Variants in MTUS2 observed in about 807,000 individuals in gnomAD.
MTUS2 encodes the protein microtubule-associated tumor suppressor candidate 2.
A neutral mutation model predicts 114.1 loss-of-function variants in MTUS2; 40 were observed. That is an observed-to-expected ratio of 0.35 (90% CI 0.27 to 0.46). The LOEUF (loss-of-function observed/expected upper bound fraction) is 0.46, where lower values mean the gene tolerates loss of function less well. MTUS2 is among the 20% of genes least tolerant of loss of function. MTUS2 has a pLI of 1.00. For synonymous variants in MTUS2, 688 were observed against 672.0 expected (o/e 1.02, Z -0.37); for missense variants, 1,679 against 1,705.4 (o/e 0.98, Z 0.27).
chr13:29,490,898 TG>T (rs1882014841), intron 11 of MTUS2, among the ~76,000 whole-genome samples: 2 of 152,332 alleles, frequency 1.3e-5, no homozygotes, highest in South Asian at 4.1e-4. Flanking sequence ...TATTTTGCCA[TG>T]AGAACAGTTT....
At chr13:29,148,222 A>T in intron 5 of MTUS2, among the ~76,000 whole-genome samples, 2 of 149,148 alleles carry the variant, frequency 1.3e-5, no homozygotes, top group Non-Finnish European at 1.5e-5. Context: ...TTCATTTCCA[A>T]CTTTTATTTT....
At chr13:29,028,314 G>A (rs1417422174) in intron 3 of MTUS2, among the ~76,000 whole-genome samples, 1 of 151,984 alleles carries the variant, frequency 6.6e-6, no homozygotes, top group African/African-American at 2.4e-5. Flanking sequence ...CCACGCCACT[G>A]CACTTCAGCC....
At chr13:28,990,837 T>G (rs564038038) in intron 2 of MTUS2, among the ~76,000 whole-genome samples, 29 of 152,276 alleles carry the variant, frequency 1.9e-4, no homozygotes, top group African/African-American at 6.7e-4. Context: ...AGCACTACTT[T>G]TATAAGCTGT....
At chr13:29,091,769 T>C (rs1889962983) in intron 4 of MTUS2, among the ~76,000 whole-genome samples, 1 of 152,214 alleles carries the variant, frequency 6.6e-6, no homozygotes, top group African/African-American at 2.4e-5. Context: ...TATTCCAAAA[T>C]CAATTAATCA....
chr13:28,980,180 G>A (rs1327751360), intron 2 of MTUS2, among the ~76,000 whole-genome samples: 6 of 152,134 alleles, frequency 3.9e-5, no homozygotes, highest in Admixed American at 2.0e-4. Context: ...TGTGAATATC[G>A]AAAATAAATT....
At position 29,480,023 on chromosome 13, in the gene MTUS2, C is replaced by T; in HGVS notation, c.3185-127C>T. 1 of 859,008 alleles carries T rather than the reference C, an allele frequency of 1.2e-6. No individual in the cohort carries two copies. Among genetic ancestry groups the T allele is most frequent in the South Asian group, 1.7e-5 (1 of 57,584 alleles). The allele number at this position is 859,008 out of a possible 1,614,324, so 53.2% of individuals were successfully genotyped here. A position where few individuals can be genotyped will look rare whatever the true frequency, so the allele number is the denominator to read the frequency against. ...GAAAGCACTTTACAAACTGTGTAGC[C>T]CTGCAGAAGTCAGAGGACCTCGCCC... On this transcript the variant is annotated intron_variant, in intron 9 of 15. Coordinates refer to ENST00000612955, the MANE Select transcript of MTUS2 (RefSeq NM_001033602.4). This position sits in a 1 kb window ranked among gnomAD's most constrained non-coding sequence, Gnocchi z 4.4.
At chr13:29,005,143 C>T (rs528564337) in intron 2 of MTUS2, among the ~76,000 whole-genome samples, 1 of 152,292 alleles carries the variant, frequency 6.6e-6, no homozygotes, top group South Asian at 2.1e-4. Context: ...CCACTTCTGC[C>T]ATCAGGTCAA....
At chr13:29,039,873 C>T (rs900938317) in intron 4 of MTUS2, among the ~76,000 whole-genome samples, 14 of 152,152 alleles carry the variant, frequency 9.2e-5, no homozygotes, top group Admixed American at 1.3e-4. Flanking sequence ...GTTGATTTTA[C>T]GTGGATTTCC....
chr13:28,886,477 G>A (rs1878599451), intron 2 of MTUS2, among the ~76,000 whole-genome samples: 1 of 152,082 alleles, frequency 6.6e-6, no homozygotes. Flanking sequence ...TTAGCTATGA[G>A]GTATGAGAGG....
chr13:29,131,628 G>A (rs1470735470), intron 5 of MTUS2, among the ~76,000 whole-genome samples: 1 of 152,248 alleles, frequency 6.6e-6, no homozygotes, highest in East Asian at 1.9e-4. Context: ...GCTGGTCCAA[G>A]CCTGCTGGGA....
At chr13:29,074,211 A>T (rs1160271568) in intron 4 of MTUS2, among the ~76,000 whole-genome samples, 1 of 152,194 alleles carries the variant, frequency 6.6e-6, no homozygotes, top group East Asian at 1.9e-4. Context: ...TGACCTCTGC[A>T]GTTTCTGCTC....
At chr13:29,308,946 C>T (rs1472254807) in intron 6 of MTUS2, among the ~76,000 whole-genome samples, 1 of 128,896 alleles carries the variant, frequency 7.8e-6, no homozygotes, top group Non-Finnish European at 1.6e-5. Flanking sequence ...CTTTTGCATA[C>T]ACAGGTAAAC....
chr13:28,867,992 A>G (rs1217747806), intron 2 of MTUS2, among the ~76,000 whole-genome samples: 3 of 152,220 alleles, frequency 2.0e-5, no homozygotes, highest in African/African-American at 4.8e-5. Context: ...ATCACAAATA[A>G]TTAGACAATT....
At chr13:28,915,638 T>A (rs1445549821) in intron 2 of MTUS2, among the ~76,000 whole-genome samples, 1 of 151,986 alleles carries the variant, frequency 6.6e-6, no homozygotes, top group Non-Finnish European at 1.5e-5. Context: ...CATTTTAAAA[T>A]CAGATTATTA....
chr13:29,249,208 C>G (rs1294883580), intron 5 of MTUS2, among the ~76,000 whole-genome samples: 1 of 152,048 alleles, frequency 6.6e-6, no homozygotes, highest in African/African-American at 2.4e-5. Context: ...CCAGGCTGGT[C>G]TCAAACTCCT....
intron 4 of MTUS2, among the ~76,000 whole-genome samples, chr13:29,045,384 G>T (rs1469077929): frequency 6.6e-6 from 1 of 152,090 alleles, no homozygotes; most frequent in African/African-American, 2.4e-5. Flanking sequence ...TCCTCTAAGA[G>T]CACTAATCCC....
chr13:28,939,556 A>G lies in MTUS2; in HGVS notation c.-242-84901A>G, dbSNP rs1029523469. Among the ~76,000 whole-genome samples the G allele has an allele frequency of 2.0e-5, 3 of 152,234 alleles. No homozygotes were observed. In the East Asian group the frequency reaches 5.8e-4, roughly 29 times the overall value. On this transcript the variant is annotated intron_variant, in intron 2 of 15. Coordinates refer to ENST00000612955, the MANE Select transcript of MTUS2 (RefSeq NM_001033602.4). ...TTTCCAAATGTTTGCCATGCTACAT[A>G]AAATTGAGTGTTTGCTTTATGCTCC...
At chr13:29,286,993 G>C (rs1017639664) in intron 6 of MTUS2, among the ~76,000 whole-genome samples, 1 of 152,096 alleles carries the variant, frequency 6.6e-6, no homozygotes, top group Non-Finnish European at 1.5e-5. Context: ...ATGCACTCTT[G>C]ATAACAATTT....
At chr13:28,898,077 T>TG (rs1041430951) in intron 2 of MTUS2, among the ~76,000 whole-genome samples, 1 of 151,780 alleles carries the variant, frequency 6.6e-6, no homozygotes, top group African/African-American at 2.4e-5. Context: ...AAGTTTTGTT[T>TG]GGGGGGCTGG....
Sources: allele counts gnomAD v4.1 joint callset (sites outside exome capture counted in the v4.1 genomes callset), GRCh38; gene constraint gnomAD v4.1.1; non-coding constraint Gnocchi (gnomAD v3.1); transcripts MANE v1.5; gene names NCBI Gene and HGNC (gene_info 2026-07-23, HGNC 2026-07-21).